CEMIP: variants seen among roughly 807,000 people sequenced by gnomAD.
The protein encoded by CEMIP is cell migration inducing hyaluronidase 1.
A neutral mutation model predicts 156.9 loss-of-function variants in CEMIP; 105 were observed. The observed-to-expected ratio is 0.67, with a 90% confidence interval of 0.57 to 0.79. CEMIP has a LOEUF of 0.79. CEMIP is among the 30% of genes least tolerant of loss of function. The probability of loss-of-function intolerance (pLI) is 0.00; values close to 1 mark genes in which losing one functional copy is unlikely to be tolerated. For synonymous variants in CEMIP, 676 were observed against 668.4 expected (o/e 1.01, Z -0.17); for missense variants, 1,457 against 1,769.4 (o/e 0.82, Z 3.17).
intron 19 of CEMIP, among the ~76,000 whole-genome samples, chr15:80,926,529 G>A (rs1376591305): frequency 2.0e-5 from 3 of 152,270 alleles, no homozygotes; most frequent in South Asian, 2.1e-4. Context: ...ATTGAAATGC[G>A]AGGAGAAAAG....
chr15:80,887,652 C>T (rs747599909), intron 7 of CEMIP, 42 bp from the exon 8 acceptor site: 14 of 1,491,582 alleles, frequency 9.4e-6, no homozygotes, highest in East Asian at 2.3e-5. Context: ...GGTACAGACT[C>T]GTGCAGAACT....
intron 4 of CEMIP, 31 bp downstream of exon 4, chr15:80,878,898 T>C (rs1262569901): frequency 6.2e-7 from 1 of 1,613,758 alleles, no homozygotes; most frequent in Non-Finnish European, 8.5e-7. Context: ...TGCTCCCTCT[T>C]CCCTCCACTG....
intron 1 of CEMIP, among the ~76,000 whole-genome samples, chr15:80,855,643 C>T (rs1897835560): frequency 6.6e-6 from 1 of 152,110 alleles, no homozygotes; most frequent in Non-Finnish European, 1.5e-5. Flanking sequence ...CTGTCTCGGC[C>T]TCCCAAGTAG....
intron 21 of CEMIP, 67 bp downstream of exon 21, chr15:80,929,241 A>G: frequency 6.3e-7 from 1 of 1,575,898 alleles, no homozygotes; most frequent in South Asian, 1.1e-5. Flanking sequence ...ATGGAAGGGA[A>G]AAAGTTAATG....
At chr15:80,804,175 C>T (rs951322598) in intron 1 of CEMIP, among the ~76,000 whole-genome samples, 2 of 152,162 alleles carry the variant, frequency 1.3e-5, no homozygotes, top group African/African-American at 4.8e-5. Context: ...CACAATGCAT[C>T]GGAATTATGA....
intron 1 of CEMIP, among the ~76,000 whole-genome samples, chr15:80,789,464 G>A (rs62006872): frequency 0.07 from 10,594 of 152,262 alleles, 412 homozygotes; most frequent in African/African-American, 0.078. Context: ...AAGCCACAGA[G>A]TTCATCAGAT....
chr15:80,815,866 A>G (rs1369153222), intron 1 of CEMIP, among the ~76,000 whole-genome samples: 3 of 152,194 alleles, frequency 2.0e-5, no homozygotes, highest in Non-Finnish European at 4.4e-5. Flanking sequence ...TCTATTTATA[A>G]TCTTTGCCAT....
At chr15:80,854,316 T>C (rs1464114163) in intron 1 of CEMIP, among the ~76,000 whole-genome samples, 3 of 152,206 alleles carry the variant, frequency 2.0e-5, no homozygotes, top group African/African-American at 7.2e-5. Context: ...GGGGCTCTTC[T>C]CCCTGCCTGG....
At position 80,933,564 on chromosome 15, in the gene CEMIP, G is replaced by A. The variant is rs538952581; in HGVS notation, c.3009+104G>A. The stretch of plus-strand genomic sequence containing the variant: ...CTGGCTCTGTTTCAGGCCAGAAAGA[G>A]ATACAGAATTTTTTTTTCTTTTTCT... On this transcript the variant is annotated intron_variant, in intron 23 of 29. Coordinates refer to ENST00000394685, the MANE Select transcript of CEMIP (RefSeq NM_001293298.2). 366 of 852,022 alleles carry A rather than the reference G, an allele frequency of 4.3e-4. 2 individuals are homozygous for A. Among genetic ancestry groups the A allele is most frequent in the Admixed American group, 8.4e-4 (29 of 34,530 alleles). 52.8% of individuals were successfully genotyped at this position (852,022 alleles called of 1,614,324 possible). A position where few individuals can be genotyped will look rare whatever the true frequency, so the allele number is the denominator to read the frequency against.
In CEMIP at chr15:80,946,946, T is replaced by A. The variant is rs374099639; in HGVS notation, c.3858-19T>A. The A allele has an allele frequency of 2.6e-6, 4 of 1,561,628 alleles. No individual in the cohort carries two copies. Among genetic ancestry groups the A allele is most frequent in the Non-Finnish European group, 3.5e-6 (4 of 1,132,276 alleles). On this transcript the variant is annotated intron_variant, in intron 28 of 29. Transcript: ENST00000394685. ...AGTTTGCTCTCTCCCTCTGGTCTAA[T>A]TGGTTTCTTCTCACACAGTTCCATA...
intron 1 of CEMIP, among the ~76,000 whole-genome samples, chr15:80,855,712 G>A (rs1177277808): frequency 3.9e-5 from 6 of 152,022 alleles, no homozygotes; most frequent in African/African-American, 7.2e-5. Flanking sequence ...TAGTAGAGAC[G>A]GGGTTTTGCC....
intron 1 of CEMIP, among the ~76,000 whole-genome samples, chr15:80,785,972 C>T (rs1224298054): frequency 6.6e-6 from 1 of 152,154 alleles, no homozygotes; most frequent in East Asian, 1.9e-4. Context: ...GTCTTCTAGA[C>T]TAGTAATTTA....
At chr15:80,846,042 G>A (rs906723429) in intron 1 of CEMIP, among the ~76,000 whole-genome samples, 1 of 152,176 alleles carries the variant, frequency 6.6e-6, no homozygotes, top group African/African-American at 2.4e-5. Context: ...GAGGGAACAG[G>A]TGCTTCCTTT....
At chr15:80,833,132 G>A (rs1897194538) in intron 1 of CEMIP, among the ~76,000 whole-genome samples, 1 of 152,168 alleles carries the variant, frequency 6.6e-6, no homozygotes, top group Non-Finnish European at 1.5e-5. Flanking sequence ...ACAGACAGGG[G>A]AATTAGACCC....
chr15:80,843,802 C>A (rs1338568734), intron 1 of CEMIP, among the ~76,000 whole-genome samples: 1 of 152,168 alleles, frequency 6.6e-6, no homozygotes, highest in African/African-American at 2.4e-5. Context: ...GTCACCCAGC[C>A]CCCAGCAGCC....
At chr15:80,855,432 T>G (rs1897827381) in intron 1 of CEMIP, among the ~76,000 whole-genome samples, 1 of 151,986 alleles carries the variant, frequency 6.6e-6, no homozygotes, top group East Asian at 1.9e-4. Flanking sequence ...CTTGTTGGGT[T>G]GGAGAAGGAC....
intron 28 of CEMIP, chr15:80,946,214 G>C (rs540357010): frequency 5.9e-5 from 9 of 152,270 alleles, no homozygotes; most frequent in African/African-American, 1.7e-4. Flanking sequence ...CTCAGAGAAG[G>C]CTGGCTCTGG....
In CEMIP at chr15:80,929,173, C is replaced by A; in HGVS notation, c.2611C>A (p.Gln871Lys). 6.2e-7 allele frequency: 1 copy of A among 1,614,150 alleles called. No individual in the cohort carries two copies. The highest frequency in any genetic ancestry group is 8.5e-7 in the Non-Finnish European group (1 of 1,180,020). Residue 871 changes from glutamine to lysine, a missense_variant and splice_region_variant, in exon 21 of 30, where the codon CAG (glutamine) becomes AAG (lysine). Coordinates refer to ENST00000394685, the MANE Select transcript of CEMIP (RefSeq NM_001293298.2). ...TAGCGGAAGGACCCTCCCTATAGGC[C>A]AGTAGGTTTGCAACCATGTAGCTCC... is the stretch of plus-strand genomic sequence containing the variant. ...DHSGRTLPIG[Q>K]NFPIRGIQLY...
intron 19 of CEMIP, among the ~76,000 whole-genome samples, chr15:80,927,632 A>T (rs73507407): frequency 0.026 from 3,898 of 152,256 alleles, 166 homozygotes; most frequent in African/African-American, 0.088. Context: ...CACCAGACTC[A>T]TTCCAAGGTA....
Sources: gnomAD v4.1 joint callset for allele counts (sites outside exome capture counted in the v4.1 genomes callset) on GRCh38, gnomAD v4.1.1 for gene constraint, MANE v1.5 for transcripts, NCBI Gene and HGNC (gene_info 2026-07-23, HGNC 2026-07-21) for gene names.